Variants in ZNF710 observed in about 807,000 individuals in gnomAD.
ZNF710 encodes the protein zinc finger protein 710.
ZNF710 carries 13 observed loss-of-function variants against 50.6 expected under a neutral mutation model. The observed-to-expected ratio is 0.26, with a 90% confidence interval of 0.17 to 0.41. The LOEUF is 0.41. Among genes scored for constraint, ZNF710 ranks in the 10% least tolerant of loss-of-function variants. The pLI, the probability that ZNF710 is intolerant of heterozygous loss-of-function variation, is 1.00. For missense variants in ZNF710, 721 were observed against 936.6 expected, an observed-to-expected ratio of 0.77 and a Z score of 3.01; for synonymous variants, 383 against 397.0, an observed-to-expected ratio of 0.96 and a Z score of 0.42.
At chr15:90,072,589 G>C (rs1379684498) in intron 2 of ZNF710, among the ~76,000 whole-genome samples, 1 of 152,126 alleles carries the variant, frequency 6.6e-6, no homozygotes, top group Non-Finnish European at 1.5e-5. Flanking sequence ...ACAGCATGGA[G>C]GATAAAAACA....
chr15:90,047,994 C>T (rs181355317), intron 1 of ZNF710, among the ~76,000 whole-genome samples: 81 of 152,310 alleles, frequency 5.3e-4, no homozygotes, highest in African/African-American at 1.8e-3. Context: ...CCTCAGTTTC[C>T]ATATTTGTAA....
intron 1 of ZNF710, among the ~76,000 whole-genome samples, chr15:90,020,526 T>C (rs1345125398): frequency 6.6e-6 from 1 of 152,038 alleles, no homozygotes; most frequent in Non-Finnish European, 1.5e-5. Flanking sequence ...GCTGCCGGGA[T>C]GGGTTACAAA....
chr15:90,015,316 G>T (rs978018000), intron 1 of ZNF710, among the ~76,000 whole-genome samples: 3 of 152,224 alleles, frequency 2.0e-5, no homozygotes, highest in African/African-American at 7.2e-5. Flanking sequence ...AGATGTGTTG[G>T]TGGGGAACAG....
intron 1 of ZNF710, among the ~76,000 whole-genome samples, chr15:90,028,805 G>A (rs1385900786): frequency 1.3e-5 from 2 of 152,170 alleles, no homozygotes; most frequent in African/African-American, 4.8e-5. Flanking sequence ...ATGGGTGATC[G>A]ATTACGGACA....
At chr15:90,049,507 C>A (rs1417749744) in intron 1 of ZNF710, among the ~76,000 whole-genome samples, 1 of 152,228 alleles carries the variant, frequency 6.6e-6, no homozygotes, top group Non-Finnish European at 1.5e-5. Context: ...CACACACATG[C>A]ATTTGAATTC....
intron 2 of ZNF710, among the ~76,000 whole-genome samples, chr15:90,071,677 CTCTTTT>C (rs1900392269): frequency 1.6e-5 from 2 of 127,290 alleles, no homozygotes; most frequent in Admixed American, 8.1e-5. Context: ...TTTATTTTTA[CTCTTTT>C]TTTTTTTTTT....
At chr15:90,071,531 T>C (rs563826763) in intron 2 of ZNF710, among the ~76,000 whole-genome samples, 1 of 152,184 alleles carries the variant, frequency 6.6e-6, no homozygotes, top group African/African-American at 2.4e-5. Context: ...TAAGTTATAA[T>C]ACAAAGTTTT....
chr15:90,041,892 ATTTTT>A (rs71151548), intron 1 of ZNF710, among the ~76,000 whole-genome samples: 21 of 110,594 alleles, frequency 1.9e-4, no homozygotes, highest in South Asian at 5.5e-4. Flanking sequence ...TTTGTTTTTG[ATTTTT>A]TTTTTTTTTT....
chr15:90,072,093 C>T (rs374845900), intron 2 of ZNF710, among the ~76,000 whole-genome samples: 5 of 152,162 alleles, frequency 3.3e-5, no homozygotes, highest in Admixed American at 1.3e-4. Context: ...TGTGAGCCAC[C>T]GTGCCCAGCC....
chr15:90,009,946 C>T (rs998267244), intron 1 of ZNF710, among the ~76,000 whole-genome samples: 4 of 152,132 alleles, frequency 2.6e-5, no homozygotes, highest in Non-Finnish European at 5.9e-5. Flanking sequence ...CTTGTGACTT[C>T]CTCTTACCTG....
chr15:90,052,669 G>A (rs1899681749), intron 1 of ZNF710, among the ~76,000 whole-genome samples: 1 of 152,214 alleles, frequency 6.6e-6, no homozygotes, highest in Non-Finnish European at 1.5e-5. Flanking sequence ...GGTGGCTCAC[G>A]CCTGTAATCC....
At chr15:90,077,611 G>T (rs970598799) in intron 4 of ZNF710, among the ~76,000 whole-genome samples, 5 of 152,130 alleles carry the variant, frequency 3.3e-5, no homozygotes, top group African/African-American at 4.8e-5. Context: ...CACTAGGACT[G>T]AGGGAAGAAA....
chr15:90,047,104 G>T (rs1346709640), intron 1 of ZNF710, among the ~76,000 whole-genome samples: 2 of 152,146 alleles, frequency 1.3e-5, no homozygotes, highest in Non-Finnish European at 1.5e-5. Flanking sequence ...GATGAAAGAG[G>T]TTCTGGGGGT....
intron 1 of ZNF710, among the ~76,000 whole-genome samples, chr15:90,010,183 G>A (rs150186135): frequency 2.4e-3 from 364 of 152,260 alleles, no homozygotes; most frequent in African/African-American, 8.3e-3. Context: ...CATGTCTCCT[G>A]TAGACAGCCT....
At chr15:90,050,043 G>A (rs1899590223) in intron 1 of ZNF710, among the ~76,000 whole-genome samples, 1 of 152,242 alleles carries the variant, frequency 6.6e-6, no homozygotes, top group Admixed American at 6.5e-5. Context: ...ATGATAGCCT[G>A]TGTGGACGGC....
chr15:90,058,701 T>TATATATATATATATATATATATATATATA (rs1567236919), intron 1 of ZNF710, among the ~76,000 whole-genome samples: 5 of 143,550 alleles, frequency 3.5e-5, no homozygotes, highest in Non-Finnish European at 7.6e-5. Context: ...CACTATATAT[T>TATATATATATATATATATATATATATATA]TATATATATA....
rs1005342226 is a variant in ZNF710 at position 90,067,450 on chromosome 15, T to C, written c.313T>C (p.Leu105=). Residue 105 remains leucine, a synonymous_variant, in exon 2 of 5, where the codon TTG becomes CTG. Coordinates refer to ENST00000268154, the MANE Select transcript of ZNF710 (RefSeq NM_198526.4). The surrounding 1 kb of genome is among the most constrained non-coding windows in gnomAD (Gnocchi z 8.1). The part of the protein sequence containing the change: ...TRRKTRPPVR[L]VPKVKFEKVE... Reference sequence around the variant, plus strand: ...GCGGAAGACGCGGCCACCTGTGCGGTTGGTGCCCAAGGTCAAGTTCGAGAA... The same window carrying C: ...GCGGAAGACGCGGCCACCTGTGCGGCTGGTGCCCAAGGTCAAGTTCGAGAA... 6.8e-6 allele frequency: 11 copies of C among 1,611,090 alleles called. No individual in the cohort carries two copies. Among genetic ancestry groups the C allele is most frequent in the African/African-American group, 2.7e-5 (2 of 74,858 alleles).
intron 1 of ZNF710, among the ~76,000 whole-genome samples, chr15:90,043,224 TGA>T (rs1371100384): frequency 6.6e-6 from 1 of 152,242 alleles, no homozygotes; most frequent in Non-Finnish European, 1.5e-5. Flanking sequence ...GCTGCCTCAC[TGA>T]GAACCCCCTC....
intron 1 of ZNF710, among the ~76,000 whole-genome samples, chr15:90,043,617 GAGA>G (rs1360668182): frequency 1.3e-5 from 2 of 152,234 alleles, no homozygotes; most frequent in East Asian, 3.8e-4. Flanking sequence ...CCAGAAAGGA[GAGA>G]AGGAGAAAAG....
Sources: gnomAD v4.1 joint callset for allele counts (sites outside exome capture counted in the v4.1 genomes callset) on GRCh38, gnomAD v4.1.1 for gene constraint, Gnocchi (gnomAD v3.1) non-coding constraint, MANE v1.5 for transcripts, NCBI Gene and HGNC (gene_info 2026-07-23, HGNC 2026-07-21) for gene names.